Variants in RUNX3 observed in about 807,000 individuals in gnomAD.
RUNX3 encodes the protein RUNX family transcription factor 3, also known as runt-related transcription factor 3.
In RUNX3, 10 loss-of-function variants were observed where a neutral mutation model predicts 27.7. The ratio of observed to expected loss-of-function variants is 0.36; its 90% CI spans 0.22 to 0.61. The LOEUF (loss-of-function observed/expected upper bound fraction) is 0.61. Ranked by LOEUF, RUNX3 falls within the 20% of genes least tolerant of loss-of-function variation. RUNX3 has a pLI of 0.72. For synonymous variants in RUNX3, 270 were observed against 269.2 expected (o/e 1.00, Z -0.03); for missense variants, 469 against 629.5 (o/e 0.75, Z 2.73).
chr1:24,915,162 G>A (rs1463648475), intron 3 of RUNX3, among the ~76,000 whole-genome samples: 1 of 151,486 alleles, frequency 6.6e-6, no homozygotes, highest in Non-Finnish European at 1.5e-5. Flanking sequence ...GGTGGCTCAC[G>A]CCTGTAGTCC....
At chr1:24,929,398 A>C (rs913598785) in intron 1 of RUNX3, 189 bp downstream of exon 1, 6 of 712,552 alleles carry the variant, frequency 8.4e-6, no homozygotes, top group African/African-American at 5.2e-5. Flanking sequence ...TCATTCCTGC[A>C]GGGCGCATCC....
chr1:24,911,405 G>T (rs1300952411), intron 3 of RUNX3, among the ~76,000 whole-genome samples: 1 of 152,200 alleles, frequency 6.6e-6, no homozygotes, highest in African/African-American at 2.4e-5. Context: ...AGCCAGCCTG[G>T]GTTCGAGGAC....
At chr1:24,915,648 G>T (rs570278360) in intron 3 of RUNX3, among the ~76,000 whole-genome samples, 1 of 152,230 alleles carries the variant, frequency 6.6e-6, no homozygotes, top group African/African-American at 2.4e-5. Context: ...CATGCATCTG[G>T]GGGTGTCCGG....
intron 3 of RUNX3, among the ~76,000 whole-genome samples, chr1:24,908,146 TCCGAAC>T (rs1361267234): frequency 2.9e-4 from 38 of 130,070 alleles, no homozygotes; most frequent in African/African-American, 1.3e-3. Flanking sequence ...CACGCGGTGA[TCCGAAC>T]CTCTACGACA....
intron 1 of RUNX3, chr1:24,928,955 AGTCGCCTACT>A (rs1641153175): frequency 2.4e-6 from 1 of 423,860 alleles, no homozygotes; most frequent in Non-Finnish European, 4.6e-6. Flanking sequence ...AAAATGAAAC[AGTCGCCTACT>A]CCCTGGCATA....
intron 4 of RUNX3, among the ~76,000 whole-genome samples, chr1:24,906,315 CTT>C (rs1430682404): frequency 6.6e-6 from 1 of 152,236 alleles, no homozygotes; most frequent in Non-Finnish European, 1.5e-5. Flanking sequence ...CTCTGAACCT[CTT>C]AGGCCTCTCA....
At chr1:24,922,985 T>C (rs1641028768) in intron 2 of RUNX3, among the ~76,000 whole-genome samples, 1 of 152,144 alleles carries the variant, frequency 6.6e-6, no homozygotes, top group African/African-American at 2.4e-5. Flanking sequence ...GTTCATGCAG[T>C]GTCTCCAGCC....
At chr1:24,925,866 A>T (rs1382050491) in intron 2 of RUNX3, among the ~76,000 whole-genome samples, 3 of 151,832 alleles carry the variant, frequency 2.0e-5, no homozygotes, top group African/African-American at 7.3e-5. Flanking sequence ...CTCCCAACCA[A>T]CGCCTTGGAA....
Position 24,902,052 on chromosome 1 carries a change from A to G in RUNX3, c.*70T>C. On this transcript the variant is annotated 3_prime_UTR_variant, in exon 5 of 5. Transcript: ENST00000308873. This position sits in a 1 kb window ranked among gnomAD's most constrained non-coding sequence, Gnocchi z 9.2. Reference sequence around the variant, plus strand: ...GTCCCATTCCCGCCCGGAGCCTCGGAGCCGGCCCATCACTGGTCTTGAAGG... The same window carrying G: ...GTCCCATTCCCGCCCGGAGCCTCGGGGCCGGCCCATCACTGGTCTTGAAGG... The G allele has an allele frequency of 2.2e-6, 3 of 1,387,062 alleles. No individual in the cohort carries two copies. Among genetic ancestry groups the G allele is most frequent in the Non-Finnish European group, 2.9e-6 (3 of 1,048,536 alleles). The allele number at this position is 1,387,062 out of a possible 1,614,324, so 85.9% of individuals were successfully genotyped here.
chr1:24,919,158 A>C (rs1341964818), intron 3 of RUNX3, 82 bp downstream of exon 3: 1 of 822,776 alleles, frequency 1.2e-6, no homozygotes, highest in Non-Finnish European at 1.9e-6. Context: ...GGAGGGCTCC[A>C]TCTGTCTGAC....
intron 2 of RUNX3, among the ~76,000 whole-genome samples, chr1:24,956,780 G>A (rs894411448): frequency 6.6e-6 from 1 of 152,136 alleles, no homozygotes; most frequent in South Asian, 2.1e-4. Context: ...TGGGAATAGG[G>A]GCATGACCAA....
chr1:24,905,990 C>G (rs1640657983), intron 4 of RUNX3, among the ~76,000 whole-genome samples: 1 of 152,222 alleles, frequency 6.6e-6, no homozygotes, highest in African/African-American at 2.4e-5. Context: ...GGGCTTCTCC[C>G]AACCTTGGCG....
intron 2 of RUNX3, chr1:24,964,464 G>C (rs373640432): frequency 1.9e-5 from 29 of 1,493,898 alleles, no homozygotes; most frequent in Non-Finnish European, 2.5e-5. Context: ...GACGTGGTCC[G>C]GGGCCTGGCC....
At chr1:24,953,955 C>T (rs1641845752) in intron 2 of RUNX3, among the ~76,000 whole-genome samples, 1 of 152,152 alleles carries the variant, frequency 6.6e-6, no homozygotes, top group African/African-American at 2.4e-5. Context: ...CTCTGTCGCC[C>T]AAGCTAGAGT....
chr1:24,932,237 C>T (rs924372461), upstream of RUNX3, among the ~76,000 whole-genome samples: 3 of 150,934 alleles, frequency 2.0e-5, no homozygotes, highest in Non-Finnish European at 4.4e-5. Flanking sequence ...CTTGTGGGCC[C>T]TGGCACCTGG....
At chr1:24,957,697 G>A (rs1641978788) in intron 2 of RUNX3, among the ~76,000 whole-genome samples, 1 of 152,236 alleles carries the variant, frequency 6.6e-6, no homozygotes, top group South Asian at 2.1e-4. Context: ...TTCCATGAGG[G>A]CTTGTCTGTG....
At chr1:24,908,490 TAA>T (rs1287787811) in intron 3 of RUNX3, among the ~76,000 whole-genome samples, 1 of 139,894 alleles carries the variant, frequency 7.1e-6, no homozygotes, top group Non-Finnish European at 1.6e-5. Context: ...GTACAAAAAT[TAA>T]AAAAAAAAAA....
At chr1:24,908,767 T>C (rs2124256893) in intron 3 of RUNX3, among the ~76,000 whole-genome samples, 1 of 152,310 alleles carries the variant, frequency 6.6e-6, no homozygotes, top group Middle Eastern at 3.4e-3. Context: ...CCTCCCAGCA[T>C]CCCAGCCTGC....
chr1:24,952,958 T>G (rs1483503660), intron 2 of RUNX3, among the ~76,000 whole-genome samples: 2 of 152,188 alleles, frequency 1.3e-5, no homozygotes, highest in African/African-American at 2.4e-5. Context: ...AGGTATTTTT[T>G]TTTTCCGGTA....
Sources: allele counts gnomAD v4.1 joint callset (sites outside exome capture counted in the v4.1 genomes callset), GRCh38; gene constraint gnomAD v4.1.1; non-coding constraint Gnocchi (gnomAD v3.1); transcripts MANE v1.5; gene names NCBI Gene and HGNC (gene_info 2026-07-23, HGNC 2026-07-21).